The following ULK4 variants were observed in gnomAD, a reference collection of about 807,000 sequenced individuals.
ULK4 encodes the protein unc-51 like kinase 4.
ULK4 carries 133 observed loss-of-function variants against 160.6 expected under a neutral mutation model. The ratio of observed to expected loss-of-function variants is 0.83; its 90% confidence interval spans 0.72 to 0.96. The LOEUF (loss-of-function observed/expected upper bound fraction) is 0.96. Among genes scored for constraint, ULK4 ranks in the 40% least tolerant of loss-of-function variants. The pLI, the probability that ULK4 is intolerant of heterozygous loss-of-function variation, is 0.00. For missense variants in ULK4, 1,580 were observed against 1,499.5 expected, an observed-to-expected ratio of 1.05 and a Z score of -0.89; for synonymous variants, 534 against 539.8, an observed-to-expected ratio of 0.99 and a Z score of 0.15.
chr3:41,625,918 T>C (rs1438175983), intron 30 of ULK4, among the ~76,000 whole-genome samples: 2 of 152,262 alleles, frequency 1.3e-5, no homozygotes, highest in East Asian at 3.8e-4. Flanking sequence ...AGTATACTTT[T>C]CTTCCTTTAT....
chr3:41,710,792 CAAAA>C (rs201586973), intron 25 of ULK4, among the ~76,000 whole-genome samples: 2 of 103,638 alleles, frequency 1.9e-5, no homozygotes, highest in African/African-American at 3.1e-5. Flanking sequence ...ACTCTTGTCT[CAAAA>C]AAAAAAAAAA....
intron 34 of ULK4, among the ~76,000 whole-genome samples, chr3:41,428,287 A>C (rs1284878483): frequency 6.6e-6 from 1 of 152,206 alleles, no homozygotes; most frequent in African/African-American, 2.4e-5. Context: ...CAGATGGAAA[A>C]ACATTCCATG....
chr3:41,931,878 A>AT lies in ULK4; in HGVS notation c.506dup (p.Asn169LysfsTer10), dbSNP rs1300679412. ...TACTTTTCATGCTTTTCTTCAGGAC[A>AT]TTTTCCCCATTATCACCTCCTCCTT... On this transcript the variant is annotated frameshift_variant, in exon 5 of 37. Transcript: ENST00000301831. LOFTEE classifies it high-confidence loss of function. 6.2e-7 allele frequency: 1 copy of AT among 1,613,920 alleles called. No individual in the cohort carries two copies. Among genetic ancestry groups the AT allele is most frequent in the Non-Finnish European group, 8.5e-7 (1 of 1,179,998 alleles).
Position 41,896,703 on chromosome 3 carries a change from C to G in ULK4, c.1530+119G>C. The G allele has an allele frequency of 3.4e-6, 4 of 1,175,196 alleles. No homozygotes were observed. In the South Asian group the frequency reaches 7.3e-5, roughly 22 times the overall value. The allele number at this position is 1,175,196 out of a possible 1,614,324, so 72.8% of individuals were successfully genotyped here. On this transcript the variant is annotated intron_variant, in intron 15 of 36. Coordinates refer to ENST00000301831, the MANE Select transcript of ULK4 (RefSeq NM_017886.4). ...TAAGCAGAGGATAATTTTCATAAACCTAAAATCGTGATAAATCAGTTTTTT... is the reference window on the plus strand; with the variant it reads ...TAAGCAGAGGATAATTTTCATAAACGTAAAATCGTGATAAATCAGTTTTTT...
intron 30 of ULK4, among the ~76,000 whole-genome samples, chr3:41,622,862 T>TCA (rs1389063636): frequency 6.6e-6 from 1 of 152,180 alleles, no homozygotes; most frequent in African/African-American, 2.4e-5. Context: ...CCCAAATATT[T>TCA]CAGGCTTTGC....
intron 18 of ULK4, among the ~76,000 whole-genome samples, chr3:41,834,459 T>A (rs2041694618): frequency 6.6e-6 from 1 of 152,152 alleles, no homozygotes; most frequent in Non-Finnish European, 1.5e-5. Context: ...AGTGTAGTTT[T>A]TAAAAACAGA....
intron 35 of ULK4, among the ~76,000 whole-genome samples, chr3:41,284,405 C>T (rs980872878): frequency 6.6e-5 from 10 of 151,906 alleles, no homozygotes; most frequent in African/African-American, 2.4e-5. Flanking sequence ...ACACATAGAC[C>T]GATGGAACAG....
At chr3:41,571,863 T>C (rs1440827425) in intron 31 of ULK4, among the ~76,000 whole-genome samples, 6 of 152,206 alleles carry the variant, frequency 3.9e-5, no homozygotes. Flanking sequence ...GGTGCCCTGA[T>C]ACATGCAAGG....
At chr3:41,463,295 T>C in intron 32 of ULK4, 42 bp from the exon 33 acceptor site, 11 of 1,585,318 alleles carry the variant, frequency 6.9e-6, no homozygotes, top group Non-Finnish European at 9.5e-6. Context: ...CATCATTAAG[T>C]ACACAAATGT....
At chr3:41,813,818 T>C (rs1236418803) in intron 19 of ULK4, among the ~76,000 whole-genome samples, 1 of 152,254 alleles carries the variant, frequency 6.6e-6, no homozygotes, top group Non-Finnish European at 1.5e-5. Flanking sequence ...GCAACGTGTG[T>C]GGAACAGAAA....
Position 41,582,197 on chromosome 3 carries a change from G to A in ULK4, c.3121-16067C>T, listed in dbSNP as rs191064142. On this transcript the variant is annotated intron_variant, in intron 31 of 36. Transcript: ENST00000301831. Reference sequence around the variant, plus strand: ...GGTTTTGTAAGGAGAAACCGCTTTCGTTTGGTCCTCTGATTCTCCCTTCTC... The same window carrying A: ...GGTTTTGTAAGGAGAAACCGCTTTCATTTGGTCCTCTGATTCTCCCTTCTC... Among the ~76,000 whole-genome samples the A allele has an allele frequency of 3.0e-3, 452 of 152,144 alleles. 12 individuals are homozygous for A. Among genetic ancestry groups the A allele is most frequent in the Admixed American group, 0.028 (424 of 15,288 alleles).
chr3:41,476,399 G>A lies in ULK4; in HGVS notation c.3227-13146C>T, dbSNP rs544227297. On this transcript the variant is annotated intron_variant, in intron 32 of 36. Coordinates refer to ENST00000301831, the MANE Select transcript of ULK4 (RefSeq NM_017886.4). ...TTTATTCTTCTCCACAGACAGCCATGATCAAGACAAGATATTCCACCTCCA... is the reference window on the plus strand; with the variant it reads ...TTTATTCTTCTCCACAGACAGCCATAATCAAGACAAGATATTCCACCTCCA... Among the ~76,000 whole-genome samples the A allele has an allele frequency of 3.9e-5, 6 of 152,260 alleles. No homozygotes were observed. The East Asian group carries it at 1.2e-3, about 29-fold the overall frequency.
intron 32 of ULK4, among the ~76,000 whole-genome samples, chr3:41,561,945 G>A (rs959014591): frequency 6.6e-6 from 1 of 152,118 alleles, no homozygotes; most frequent in Non-Finnish European, 1.5e-5. Flanking sequence ...TCTTTTAATT[G>A]TGATGTTAGG....
chr3:41,409,748 A>G (rs1450793587), intron 34 of ULK4, among the ~76,000 whole-genome samples: 1 of 152,096 alleles, frequency 6.6e-6, no homozygotes, highest in Admixed American at 6.6e-5. Flanking sequence ...CAGGAGTTTG[A>G]GACCAGCCTG....
intron 18 of ULK4, among the ~76,000 whole-genome samples, chr3:41,825,804 G>A (rs1201609557): frequency 6.6e-6 from 1 of 152,144 alleles, no homozygotes; most frequent in East Asian, 1.9e-4. Flanking sequence ...AGGAAATACA[G>A]AGAACGCCAC....
intron 35 of ULK4, among the ~76,000 whole-genome samples, chr3:41,342,754 C>G (rs1312387623): frequency 1.3e-5 from 2 of 152,162 alleles, no homozygotes; most frequent in Non-Finnish European, 2.9e-5. Context: ...CCCCGATGAA[C>G]ACCGATGTAA....
intron 29 of ULK4, among the ~76,000 whole-genome samples, chr3:41,670,179 G>A (rs1410803648): frequency 6.6e-6 from 1 of 152,158 alleles, no homozygotes; most frequent in African/African-American, 2.4e-5. Context: ...TCTGGGTTTA[G>A]GTAAAGAGCA....
intron 35 of ULK4, among the ~76,000 whole-genome samples, chr3:41,311,873 T>G (rs2080055639): frequency 8.4e-6 from 1 of 119,358 alleles, no homozygotes; most frequent in South Asian, 2.7e-4. Flanking sequence ...GGCCAAACTC[T>G]CCTCATATAT....
chr3:41,261,478 T>C (rs1251522061), intron 35 of ULK4, among the ~76,000 whole-genome samples: 1 of 152,132 alleles, frequency 6.6e-6, no homozygotes, highest in Non-Finnish European at 1.5e-5. Context: ...CACGGCATCT[T>C]CACATCTGCC....
Sources: allele counts gnomAD v4.1 joint callset (sites outside exome capture counted in the v4.1 genomes callset), GRCh38; gene constraint gnomAD v4.1.1; transcripts MANE v1.5; gene names NCBI Gene and HGNC (gene_info 2026-07-23, HGNC 2026-07-21).